Variants in DEAF1 observed in about 807,000 individuals in gnomAD.
DEAF1 encodes DEAF1 transcription factor, also known as deformed epidermal autoregulatory factor 1 homolog.
DEAF1 carries 53 observed loss-of-function variants against 58.9 expected under a neutral mutation model. That is an observed-to-expected ratio of 0.90 (90% CI 0.72 to 1.13). The LOEUF (loss-of-function observed/expected upper bound fraction) is 1.13, where lower values mean the gene tolerates loss of function less well. Among genes scored for constraint, DEAF1 ranks in the 50% most tolerant of loss-of-function variants. DEAF1 has a pLI of 0.00. For missense variants in DEAF1, 685 were observed against 791.4 expected (o/e 0.87, Z 1.61); for synonymous variants, 385 against 340.4 (o/e 1.13, Z -1.44).
chr11:685,010 A>G (rs1860528474), intron 5 of DEAF1, 47 bp from the exon 6 acceptor site: 1 of 1,426,918 alleles, frequency 7.0e-7, no homozygotes, highest in African/African-American at 1.4e-5. Flanking sequence ...CAGCCCCTAA[A>G]TGTCAATCAT....
At chr11:671,912 C>T (rs1436259578) in intron 10 of DEAF1, among the ~76,000 whole-genome samples, 2 of 151,004 alleles carry the variant, frequency 1.3e-5, no homozygotes, top group African/African-American at 4.9e-5. Context: ...ATCTAAAAAG[C>T]TCTTCTGCTC....
Position 684,483 on chromosome 11 carries a change from G to A in DEAF1, c.870+415C>T, listed in dbSNP as rs1860501807. 4.6e-5 allele frequency among the ~76,000 whole-genome samples: 7 copies of A among 151,542 alleles called. No homozygotes were observed. The South Asian group carries it at 1.5e-3, about 32-fold the overall frequency. ...GAAGCAGTTAAGAATTTAGAATAAG[G>A]AAATACGTCAAAAAGGCGTTAAAAG... On this transcript the variant is annotated intron_variant, in intron 6 of 11. Transcript: ENST00000382409.
intron 2 of DEAF1, 77 bp downstream of exon 2, chr11:691,424 C>T (rs1860829557): frequency 1.1e-5 from 15 of 1,396,842 alleles, no homozygotes; most frequent in South Asian, 2.4e-5. Flanking sequence ...GGCTGAACCC[C>T]GGGAGAGCCT....
At position 694,931 on chromosome 11, in the gene DEAF1, C is replaced by T. The variant is rs747455152; in HGVS notation, c.117G>A (p.Glu39=). The T allele has an allele frequency of 1.5e-6, 2 of 1,355,118 alleles. No homozygotes were observed. Among genetic ancestry groups the T allele is most frequent in the South Asian group, 4.1e-5 (2 of 48,248 alleles). The allele number at this position is 1,355,118 out of a possible 1,614,324, so 83.9% of individuals were successfully genotyped here. A position where few individuals can be genotyped will look rare whatever the true frequency, so the allele number is the denominator to read the frequency against. ...AAAAAGGEAE[E]PVLSRDEDSE... ...AGTCCTCGTCCCTGCTCAGCACCGGCTCCTCCGCCTCGCCTCCTGCCGCGG... is the reference window on the plus strand; with the variant it reads ...AGTCCTCGTCCCTGCTCAGCACCGGTTCCTCCGCCTCGCCTCCTGCCGCGG... The change falls in exon 1 of 12, where the codon GAG becomes GAA. Residue 39 remains glutamate, a synonymous_variant. Coordinates refer to ENST00000382409, the MANE Select transcript of DEAF1 (RefSeq NM_021008.4).
chr11:679,070 TG>T (rs1860214998), intron 8 of DEAF1, among the ~76,000 whole-genome samples: 1 of 152,068 alleles, frequency 6.6e-6, no homozygotes. Context: ...CCCAGCACTT[TG>T]GGAGGCCAAG....
intron 1 of DEAF1, among the ~76,000 whole-genome samples, chr11:694,044 G>A (rs1454351501): frequency 6.6e-6 from 1 of 152,286 alleles, no homozygotes. Context: ...GCTCCCCAGC[G>A]CTCAGGTCAT....
chr11:653,540 T>C (rs1858893568), intron 11 of DEAF1, among the ~76,000 whole-genome samples: 1 of 142,206 alleles, frequency 7.0e-6, no homozygotes. Context: ...ATAGAGGAAC[T>C]GTGGACAGTC....
chr11:650,373 C>CAAAAA (rs796351710), intron 11 of DEAF1, among the ~76,000 whole-genome samples: 847 of 22,252 alleles, frequency 0.038, 124 homozygotes, highest in Non-Finnish European at 0.054. Flanking sequence ...CAGTCCGTCT[C>CAAAAA]AAAAAAAAAA....
Position 688,134 on chromosome 11 carries a change from T to A in DEAF1, c.518-77A>T. ...GTACACTCTCATCTCAGACACCACC[T>A]CCCCGGCAGCGCCACCTCCTTCAAC... is the stretch of plus-strand genomic sequence containing the variant. On this transcript the variant is annotated intron_variant, in intron 3 of 11. Coordinates refer to ENST00000382409, the MANE Select transcript of DEAF1 (RefSeq NM_021008.4). This position sits in a 1 kb window ranked among gnomAD's most constrained non-coding sequence, Gnocchi z 4.3. 1 of 1,596,082 alleles carries A rather than the reference T, an allele frequency of 6.3e-7. No individual in the cohort carries two copies. The highest frequency in any genetic ancestry group is 8.6e-7 in the Non-Finnish European group (1 of 1,167,404).
At chr11:653,855 G>T in intron 11 of DEAF1, 107 bp downstream of exon 11, 1 of 954,382 alleles carries the variant, frequency 1.0e-6, no homozygotes, top group South Asian at 1.3e-5. Context: ...GGACAGGGAG[G>T]GGAGTCAGGT....
intron 4 of DEAF1, among the ~76,000 whole-genome samples, 196 bp downstream of exon 4, chr11:687,715 T>G (rs1382867631): frequency 2.0e-5 from 3 of 152,170 alleles, no homozygotes; most frequent in Admixed American, 1.3e-4. Context: ...GCCAGGATAG[T>G]CTCGATCTCC....
At chr11:672,231 A>T (rs1859861805) in intron 10 of DEAF1, among the ~76,000 whole-genome samples, 1 of 152,110 alleles carries the variant, frequency 6.6e-6, no homozygotes, top group Non-Finnish European at 1.5e-5. Context: ...CTAACATCGA[A>T]TACGACCTGG....
chr11:686,037 C>T (rs1244307048), intron 5 of DEAF1, among the ~76,000 whole-genome samples: 6 of 151,092 alleles, frequency 4.0e-5, no homozygotes, highest in African/African-American at 1.2e-4. Flanking sequence ...AATCCCAGCA[C>T]TTTGGGAGGC....
intron 7 of DEAF1, among the ~76,000 whole-genome samples, chr11:680,572 C>T (rs1013674944): frequency 3.3e-5 from 5 of 152,192 alleles, no homozygotes; most frequent in Non-Finnish European, 2.9e-5. Flanking sequence ...ATCCTGACGC[C>T]GCCCTCCAGC....
At chr11:653,219 G>A (rs1381421776) in intron 11 of DEAF1, among the ~76,000 whole-genome samples, 1 of 152,126 alleles carries the variant, frequency 6.6e-6, no homozygotes. Flanking sequence ...TGGAGCGGAG[G>A]GCTGAATAAT....
intron 10 of DEAF1, among the ~76,000 whole-genome samples, chr11:661,487 A>G (rs1564930949): frequency 6.6e-6 from 1 of 151,998 alleles, no homozygotes; most frequent in Non-Finnish European, 1.5e-5. Flanking sequence ...AGACAGGTGG[A>G]TCACCGGAGG....
intron 11 of DEAF1, among the ~76,000 whole-genome samples, chr11:646,980 T>A (rs7116680): frequency 1.3e-5 from 2 of 151,044 alleles, no homozygotes; most frequent in African/African-American, 4.9e-5. Context: ...CAAAACCCTA[T>A]CTCTATAAAA....
chr11:647,890 G>GGGATTCCTGT (rs1858575056), intron 11 of DEAF1, among the ~76,000 whole-genome samples: 26 of 97,052 alleles, frequency 2.7e-4, no homozygotes, highest in African/African-American at 4.8e-4. Context: ...CTGGGAGCAG[G>GGGATTCCTGT]TGGGTGGACT....
intron 1 of DEAF1, 107 bp from the exon 2 acceptor site, chr11:691,705 C>G: frequency 1.1e-6 from 1 of 882,000 alleles, no homozygotes; most frequent in Non-Finnish European, 1.8e-6. Context: ...CAGGTGTGTG[C>G]CCTTGTAACC....
Sources: allele counts gnomAD v4.1 joint callset (sites outside exome capture counted in the v4.1 genomes callset), GRCh38; gene constraint gnomAD v4.1.1; non-coding constraint Gnocchi (gnomAD v3.1); transcripts MANE v1.5; gene names NCBI Gene and HGNC (gene_info 2026-07-23, HGNC 2026-07-21).